BABAM2: variants seen among roughly 807,000 people sequenced by gnomAD.
BABAM2 encodes the protein BRISC and BRCA1 A complex member 2.
Under a neutral mutation model 54.7 loss-of-function variants are expected in BABAM2, and 31 were observed. The observed-to-expected ratio is 0.57, with a 90% CI of 0.43 to 0.77. The LOEUF (loss-of-function observed/expected upper bound fraction) is 0.77, where lower values mean the gene tolerates loss of function less well. BABAM2 is among the 30% of genes least tolerant of loss of function. BABAM2 has a pLI of 0.00. For synonymous variants in BABAM2, 167 were observed against 162.9 expected (o/e 1.03, Z -0.19); for missense variants, 364 against 455.8 (o/e 0.80, Z 1.83).
intron 5 of BABAM2, among the ~76,000 whole-genome samples, chr2:28,026,896 A>ATT (rs1558667572): frequency 2.4e-3 from 65 of 27,096 alleles, no homozygotes; most frequent in Middle Eastern, 0.021. Flanking sequence ...AGATATATAT[A>ATT]AATATATATA....
intron 10 of BABAM2, among the ~76,000 whole-genome samples, chr2:28,251,102 T>C (rs1013031059): frequency 6.6e-6 from 1 of 152,248 alleles, no homozygotes; most frequent in East Asian, 1.9e-4. Flanking sequence ...AAATGACTAA[T>C]GTTCACACAG....
chr2:28,246,229 A>G (rs1295494799), intron 10 of BABAM2, among the ~76,000 whole-genome samples: 1 of 152,186 alleles, frequency 6.6e-6, no homozygotes, highest in African/African-American at 2.4e-5. Flanking sequence ...CGATGGCCCT[A>G]CTAATCTGAG....
chr2:28,249,930 G>A (rs1683287306), intron 10 of BABAM2, among the ~76,000 whole-genome samples: 1 of 152,134 alleles, frequency 6.6e-6, no homozygotes, highest in Non-Finnish European at 1.5e-5. Context: ...ACCACACCCA[G>A]CTTCTTGTCT....
At chr2:28,210,599 A>G (rs1213741710) in intron 7 of BABAM2, among the ~76,000 whole-genome samples, 4 of 152,350 alleles carry the variant, frequency 2.6e-5, no homozygotes, top group South Asian at 2.1e-4. Flanking sequence ...TTGGTTTTCA[A>G]TGAAAAAAGA....
chr2:27,899,982 A>G lies in BABAM2; in HGVS notation c.128+5298A>G, dbSNP rs1665653606. ...TCTGAAAGATTCAGGGAAGTTCTTT[A>G]GAAGTTCATTAACAATTCCTTCTTC... On this transcript the variant is annotated intron_variant, in intron 2 of 11. Coordinates refer to ENST00000379624, the MANE Select transcript of BABAM2 (RefSeq NM_199191.3). Among the ~76,000 whole-genome samples the G allele has an allele frequency of 1.3e-5, 2 of 152,232 alleles. 1 individual carries two copies. The highest frequency in any genetic ancestry group is 4.1e-4 in the South Asian group (2 of 4,836).
chr2:28,196,338 A>T (rs1677553484), intron 7 of BABAM2, among the ~76,000 whole-genome samples: 1 of 150,976 alleles, frequency 6.6e-6, no homozygotes, highest in African/African-American at 2.4e-5. Flanking sequence ...AAAAAAAATG[A>T]ATTTTTTACA....
At chr2:27,921,010 A>G (rs1318621850) in intron 2 of BABAM2, among the ~76,000 whole-genome samples, 4 of 152,232 alleles carry the variant, frequency 2.6e-5, no homozygotes, top group Non-Finnish European at 5.9e-5. Context: ...AAGTATAGTA[A>G]AATTTGCCTA....
chr2:28,029,365 TC>T (rs1165223271), intron 5 of BABAM2, among the ~76,000 whole-genome samples: 1 of 152,132 alleles, frequency 6.6e-6, no homozygotes, highest in South Asian at 2.1e-4. Context: ...TAATTCCTCC[TC>T]CCCCCAGCGC....
intron 9 of BABAM2, among the ~76,000 whole-genome samples, chr2:28,241,895 G>A (rs1682480329): frequency 7.3e-6 from 1 of 137,632 alleles, no homozygotes; most frequent in Admixed American, 7.3e-5. Flanking sequence ...GGTACTCTTT[G>A]GCAAATAGTA....
rs970597882 is a variant in BABAM2, at chr2:28,091,597, A to G, written c.571-37674A>G. On this transcript the variant is annotated intron_variant, in intron 6 of 11. Coordinates refer to ENST00000379624, the MANE Select transcript of BABAM2 (RefSeq NM_199191.3). ...AATGAATATCAAGAGAGTACAGGAG[A>G]ATTATACTTGAACTGAAAATAATAA... 4.6e-5 allele frequency among the ~76,000 whole-genome samples: 7 copies of G among 152,326 alleles called. No homozygotes were observed. The South Asian group carries it at 1.4e-3, about 32-fold the overall frequency.
At chr2:28,010,468 A>G (rs2148530512) in intron 4 of BABAM2, among the ~76,000 whole-genome samples, 1 of 152,240 alleles carries the variant, frequency 6.6e-6, no homozygotes, top group Admixed American at 6.5e-5. Context: ...CCCAAACCAA[A>G]TCTATACTTT....
chr2:28,254,738 T>A (rs568127583), intron 10 of BABAM2, among the ~76,000 whole-genome samples: 1 of 149,168 alleles, frequency 6.7e-6, no homozygotes, highest in African/African-American at 2.5e-5. Context: ...ATTTTTTTTT[T>A]TTTTTTTTTT....
chr2:28,265,396 C>T (rs1684894791), intron 10 of BABAM2, among the ~76,000 whole-genome samples: 2 of 152,134 alleles, frequency 1.3e-5, no homozygotes, highest in South Asian at 4.1e-4. Context: ...CATTGCACTC[C>T]AGCCTAGGTG....
At chr2:28,207,449 T>C (rs1678987063) in intron 7 of BABAM2, among the ~76,000 whole-genome samples, 1 of 151,988 alleles carries the variant, frequency 6.6e-6, no homozygotes, top group Non-Finnish European at 1.5e-5. Context: ...TAGTCCCAGC[T>C]ACTCGGGAGG....
chr2:28,198,829 G>T (rs1677926173), intron 7 of BABAM2, among the ~76,000 whole-genome samples: 1 of 152,066 alleles, frequency 6.6e-6, no homozygotes, highest in Non-Finnish European at 1.5e-5. Flanking sequence ...AAAATAAAAA[G>T]GAAAGGAAAA....
intron 4 of BABAM2, among the ~76,000 whole-genome samples, chr2:27,998,707 A>G (rs1413550772): frequency 6.6e-6 from 1 of 152,184 alleles, no homozygotes; most frequent in African/African-American, 2.4e-5. Flanking sequence ...TGAATTCTTA[A>G]CCATCTTTCC....
In BABAM2 at chr2:28,221,812, C is replaced by T. The variant is rs114102788; in HGVS notation, c.681-15390C>T. Among the ~76,000 whole-genome samples, 869 of 152,310 alleles carry T rather than the reference C, an allele frequency of 5.7e-3. 8 individuals are homozygous for T. Among genetic ancestry groups the T allele is most frequent in the African/African-American group, 0.02 (825 of 41,564 alleles). ...AAGTCACTCAGAATATGCCCAATCTCTGTTTCAAGTCTAGAGTTGGGTTGG... is the reference window on the plus strand; with the variant it reads ...AAGTCACTCAGAATATGCCCAATCTTTGTTTCAAGTCTAGAGTTGGGTTGG... On this transcript the variant is annotated intron_variant, in intron 7 of 11. Transcript: ENST00000379624.
rs1688367914 is a variant in BABAM2 at position 28,304,615 on chromosome 2, C to T, written c.1088+6124C>T. On this transcript the variant is annotated intron_variant, in intron 11 of 11. Transcript: ENST00000379624. This position sits in a 1 kb window ranked among gnomAD's most constrained non-coding sequence, Gnocchi z 4.0. ...TTTTGGAGATGGAGTCTCACTCTGT[C>T]ACCCAGGCTGGAATGCAGTGGCATT... 6.6e-6 allele frequency among the ~76,000 whole-genome samples: 1 copy of T among 151,956 alleles called. No individual in the cohort carries two copies. Among genetic ancestry groups the T allele is most frequent in the Admixed American group, 6.6e-5 (1 of 15,248 alleles).
chr2:28,070,166 C>T (rs1191715783), intron 6 of BABAM2, among the ~76,000 whole-genome samples: 1 of 152,234 alleles, frequency 6.6e-6, no homozygotes, highest in East Asian at 1.9e-4. Flanking sequence ...TTTCAAATAG[C>T]TTCATTAAAC....
Sources: gnomAD v4.1 joint callset for allele counts (sites outside exome capture counted in the v4.1 genomes callset) on GRCh38, gnomAD v4.1.1 for gene constraint, Gnocchi (gnomAD v3.1) non-coding constraint, MANE v1.5 for transcripts, NCBI Gene and HGNC (gene_info 2026-07-23, HGNC 2026-07-21) for gene names.